Variants in SKAP2 observed in about 807,000 individuals in gnomAD.
SKAP2 encodes src kinase-associated phosphoprotein 2.
In SKAP2, 28 loss-of-function variants were observed where a neutral mutation model predicts 54.9. The ratio of observed to expected loss-of-function variants is 0.51; its 90% CI spans 0.38 to 0.70. The LOEUF (loss-of-function observed/expected upper bound fraction) is 0.70. SKAP2 is among the 30% of genes least tolerant of loss of function. The pLI, the probability that SKAP2 is intolerant of heterozygous loss-of-function variation, is 0.00. For synonymous variants in SKAP2, 137 were observed against 134.3 expected, an observed-to-expected ratio of 1.02 and a Z score of -0.14; for missense variants, 356 against 424.1, an observed-to-expected ratio of 0.84 and a Z score of 1.41.
chr7:26,783,964 T>C (rs1265394629), intron 4 of SKAP2, among the ~76,000 whole-genome samples: 1 of 150,706 alleles, frequency 6.6e-6, no homozygotes, highest in African/African-American at 2.4e-5. Context: ...AAAATAATTA[T>C]AAGTCTTAGA....
chr7:26,772,336 G>A (rs141336544), intron 4 of SKAP2, among the ~76,000 whole-genome samples: 4 of 152,248 alleles, frequency 2.6e-5, no homozygotes, highest in African/African-American at 4.8e-5. Flanking sequence ...CCCACGTAGT[G>A]AGCATAGTAC....
chr7:26,752,836 C>T (rs1782714484), intron 4 of SKAP2, among the ~76,000 whole-genome samples: 1 of 152,132 alleles, frequency 6.6e-6, no homozygotes, highest in South Asian at 2.1e-4. Context: ...AACTCAGTGC[C>T]AGGACAATTC....
intron 3 of SKAP2, among the ~76,000 whole-genome samples, chr7:26,853,504 A>G (rs1036109248): frequency 1.3e-5 from 2 of 152,164 alleles, no homozygotes; most frequent in Non-Finnish European, 2.9e-5. Context: ...CTGTCTCTCA[A>G]ATCTAGAGGG....
chr7:26,783,474 A>G (rs1264384076), intron 4 of SKAP2, among the ~76,000 whole-genome samples: 2 of 151,960 alleles, frequency 1.3e-5, no homozygotes, highest in Non-Finnish European at 2.9e-5. Flanking sequence ...ACCAACTACA[A>G]ATCCAACATT....
At chr7:26,692,188 G>A (rs6954621) in intron 9 of SKAP2, among the ~76,000 whole-genome samples, 1 of 143,836 alleles carries the variant, frequency 7.0e-6, no homozygotes, top group Non-Finnish European at 1.5e-5. Context: ...GAATGTGGAG[G>A]AATGAGGGGG....
intron 4 of SKAP2, among the ~76,000 whole-genome samples, chr7:26,821,885 T>A (rs1433639993): frequency 1.3e-5 from 2 of 152,186 alleles, no homozygotes; most frequent in Admixed American, 1.3e-4. Flanking sequence ...CTTCCTTTCT[T>A]CTACACTTCC....
At chr7:26,658,234 G>A in the SKAP2 span, among the ~76,000 whole-genome samples, 1 of 152,176 alleles carries the variant, frequency 6.6e-6, no homozygotes, top group South Asian at 2.1e-4. Context: ...AGACCAATTT[G>A]TTTAGCTGAT....
At chr7:26,687,620 CA>C (rs1786677011) in intron 10 of SKAP2, among the ~76,000 whole-genome samples, 1 of 152,026 alleles carries the variant, frequency 6.6e-6, no homozygotes, top group Non-Finnish European at 1.5e-5. Flanking sequence ...AATCTGGACA[CA>C]AAAATCAGGA....
intron 4 of SKAP2, among the ~76,000 whole-genome samples, chr7:26,771,521 T>G (rs1036512510): frequency 3.9e-5 from 6 of 152,208 alleles, no homozygotes; most frequent in Non-Finnish European, 7.3e-5. Flanking sequence ...ATGTATATTT[T>G]ATATAGTATG....
chr7:26,691,461 T>C (rs1786777831), intron 9 of SKAP2, among the ~76,000 whole-genome samples: 1 of 152,122 alleles, frequency 6.6e-6, no homozygotes, highest in South Asian at 2.1e-4. Flanking sequence ...AAGAAAAATA[T>C]GCAAAATATA....
intron 4 of SKAP2, among the ~76,000 whole-genome samples, chr7:26,824,636 C>A (rs979232359): frequency 6.6e-6 from 1 of 152,154 alleles, no homozygotes; most frequent in African/African-American, 2.4e-5. Flanking sequence ...GATGGACAAA[C>A]TTTTTTAGTA....
At chr7:26,761,811 A>G (rs1273858045) in intron 4 of SKAP2, among the ~76,000 whole-genome samples, 2 of 152,268 alleles carry the variant, frequency 1.3e-5, no homozygotes, top group East Asian at 3.9e-4. Flanking sequence ...GAGGCACAAG[A>G]ATTGGTTGAA....
At chr7:26,695,018 T>A (rs146468919) in intron 9 of SKAP2, among the ~76,000 whole-genome samples, 55 of 152,252 alleles carry the variant, frequency 3.6e-4, no homozygotes, top group African/African-American at 1.0e-3. Context: ...TAGCTGACAC[T>A]GCTTGAAAAA....
At chr7:26,767,424 T>C (rs1783084713) in intron 4 of SKAP2, among the ~76,000 whole-genome samples, 1 of 152,214 alleles carries the variant, frequency 6.6e-6, no homozygotes, top group South Asian at 2.1e-4. Context: ...AGTTCCTGAA[T>C]TCATTGATTT....
chr7:26,746,884 T>A (rs545214632), intron 4 of SKAP2, among the ~76,000 whole-genome samples: 1 of 152,294 alleles, frequency 6.6e-6, no homozygotes, highest in East Asian at 1.9e-4. Context: ...TTCTTTTACA[T>A]CTAGCATAGA....
At chr7:26,847,460 CTGAG>C (rs1298468881) in intron 3 of SKAP2, among the ~76,000 whole-genome samples, 1 of 151,684 alleles carries the variant, frequency 6.6e-6, no homozygotes, top group East Asian at 1.9e-4. Flanking sequence ...TCCCCAGGGG[CTGAG>C]TATTTGTAGT....
chr7:26,831,179 A>T (rs1784586665), intron 4 of SKAP2, among the ~76,000 whole-genome samples: 1 of 152,178 alleles, frequency 6.6e-6, no homozygotes, highest in African/African-American at 2.4e-5. Context: ...TATCAAACAC[A>T]GTGACTCCTT....
At chr7:26,718,475 A>G (rs1266376495) in intron 9 of SKAP2, among the ~76,000 whole-genome samples, 1 of 151,836 alleles carries the variant, frequency 6.6e-6, no homozygotes, top group Non-Finnish European at 1.5e-5. Flanking sequence ...GTAGGGAGTG[A>G]CTTCCACTTT....
At chr7:26,852,957 T>G (rs1785077970) in intron 3 of SKAP2, among the ~76,000 whole-genome samples, 1 of 152,058 alleles carries the variant, frequency 6.6e-6, no homozygotes, top group African/African-American at 2.4e-5. Flanking sequence ...CTAAACAAAA[T>G]GTAGCATAAT....
Sources: allele counts gnomAD v4.1 joint callset (sites outside exome capture counted in the v4.1 genomes callset), GRCh38; gene constraint gnomAD v4.1.1; transcripts MANE v1.5; gene names NCBI Gene and HGNC (gene_info 2026-07-23, HGNC 2026-07-21).